The following KHDRBS3 variants were observed in gnomAD, a reference collection of about 807,000 sequenced individuals.
KHDRBS3 encodes KH RNA binding domain containing, signal transduction associated 3.
A neutral mutation model predicts 45.6 loss-of-function variants in KHDRBS3; 23 were observed. The observed-to-expected ratio is 0.50, with a 90% CI of 0.36 to 0.72. KHDRBS3 has a LOEUF of 0.72. KHDRBS3 is among the 30% of genes least tolerant of loss of function. The pLI, the probability that KHDRBS3 is intolerant of heterozygous loss-of-function variation, is 0.00. For synonymous variants in KHDRBS3, 162 were observed against 156.5 expected, an observed-to-expected ratio of 1.04 and a Z score of -0.26; for missense variants, 352 against 424.8, an observed-to-expected ratio of 0.83 and a Z score of 1.51.
intron 4 of KHDRBS3, among the ~76,000 whole-genome samples, chr8:135,556,157 C>T (rs1826876000): frequency 6.6e-6 from 1 of 152,100 alleles, no homozygotes; most frequent in Non-Finnish European, 1.5e-5. Context: ...TGGGTTGGTT[C>T]CAAGTCTTTG....
At chr8:135,625,813 C>T (rs1830331663) in intron 7 of KHDRBS3, 14 of 769,028 alleles carry the variant, frequency 1.8e-5, no homozygotes, top group South Asian at 1.6e-4. Context: ...TTCTTCAAGG[C>T]GGTGGAGCCA....
intron 7 of KHDRBS3, among the ~76,000 whole-genome samples, chr8:135,610,410 T>C (rs1829660828): frequency 6.6e-6 from 1 of 151,892 alleles, no homozygotes; most frequent in South Asian, 2.1e-4. Flanking sequence ...TGATTATATA[T>C]TTATATGACA....
intron 2 of KHDRBS3, among the ~76,000 whole-genome samples, chr8:135,533,091 A>G (rs1026693522): frequency 4.6e-5 from 7 of 152,000 alleles, no homozygotes; most frequent in African/African-American, 1.4e-4. Flanking sequence ...GCAAAACACC[A>G]TTTATTAATT....
chr8:135,550,825 CTTAACAATTTTGAG>C (rs1826552101), intron 4 of KHDRBS3, among the ~76,000 whole-genome samples: 1 of 152,010 alleles, frequency 6.6e-6, no homozygotes, highest in Non-Finnish European at 1.5e-5. Flanking sequence ...TAATTTTCAT[CTTAACAATTTTGAG>C]TTTTCCAATC....
downstream of KHDRBS3, among the ~76,000 whole-genome samples, chr8:135,650,314 C>T (rs990987211): frequency 1.3e-5 from 2 of 152,210 alleles, no homozygotes; most frequent in Non-Finnish European, 2.9e-5. Flanking sequence ...CCCATGCCCT[C>T]TCTTCCATGA....
At chr8:135,545,699 C>T (rs1215330778) in intron 3 of KHDRBS3, among the ~76,000 whole-genome samples, 1 of 152,188 alleles carries the variant, frequency 6.6e-6, no homozygotes, top group Admixed American at 6.5e-5. Flanking sequence ...CCAGTTTTGT[C>T]TATCTCTTGT....
chr8:135,568,944 C>G (rs1586735442), intron 5 of KHDRBS3, among the ~76,000 whole-genome samples: 1 of 152,074 alleles, frequency 6.6e-6, no homozygotes, highest in East Asian at 1.9e-4. Flanking sequence ...ATTGAAGAAC[C>G]ATGTTAAAAT....
intron 7 of KHDRBS3, among the ~76,000 whole-genome samples, chr8:135,643,887 GT>G (rs1831174228): frequency 6.6e-6 from 1 of 152,212 alleles, no homozygotes; most frequent in Non-Finnish European, 1.5e-5. Flanking sequence ...CTGGTGTTCA[GT>G]AGACATTCAC....
Position 135,582,005 on chromosome 8 carries a change from A to C in KHDRBS3, c.739A>C (p.Arg247=), listed in dbSNP as rs575288088. The C allele has an allele frequency of 6.2e-7, 1 of 1,613,000 alleles. No individual in the cohort carries two copies. The highest frequency in any genetic ancestry group is 1.7e-5 in the Admixed American group (1 of 59,908). ...RGRGLLTPRA[R]GVPPTGYRPP... is the part of the protein sequence containing the mutation. Reference sequence around the variant, plus strand: ...AAGAGGACTTCTCACTCCCAGAGCAAGAGGAGTCCCCCCAACTGGGTACAG... The same window carrying C: ...AAGAGGACTTCTCACTCCCAGAGCACGAGGAGTCCCCCCAACTGGGTACAG... The change falls in exon 6 of 9, where the codon AGA becomes CGA. Residue 247 remains arginine (R), a synonymous_variant. Coordinates refer to ENST00000355849, the MANE Select transcript of KHDRBS3 (RefSeq NM_006558.3).
intron 4 of KHDRBS3, among the ~76,000 whole-genome samples, chr8:135,551,838 G>A (rs1437053179): frequency 6.6e-6 from 1 of 152,014 alleles, no homozygotes; most frequent in Non-Finnish European, 1.5e-5. Flanking sequence ...AGACTTTCCT[G>A]TAACCTAGGT....
At chr8:135,476,834 G>T (rs1181663507) in intron 1 of KHDRBS3, among the ~76,000 whole-genome samples, 8 of 152,166 alleles carry the variant, frequency 5.3e-5, no homozygotes, top group Non-Finnish European at 7.3e-5. Flanking sequence ...AAAGGTAAAT[G>T]ACATTGAAAG....
At chr8:135,633,354 C>T (rs755388680) in intron 7 of KHDRBS3, among the ~76,000 whole-genome samples, 5 of 152,170 alleles carry the variant, frequency 3.3e-5, no homozygotes, top group Non-Finnish European at 5.9e-5. Flanking sequence ...CCCTCACCTC[C>T]CACTGGGTGA....
At chr8:135,550,839 G>C (rs1273043593) in intron 4 of KHDRBS3, among the ~76,000 whole-genome samples, 1 of 151,992 alleles carries the variant, frequency 6.6e-6, no homozygotes, top group Non-Finnish European at 1.5e-5. Flanking sequence ...ACAATTTTGA[G>C]TTTTCCAATC....
chr8:135,474,439 A>G (rs1011236724), intron 1 of KHDRBS3, among the ~76,000 whole-genome samples: 1 of 152,208 alleles, frequency 6.6e-6, no homozygotes, highest in African/African-American at 2.4e-5. Context: ...TTCAGACTTC[A>G]TTTGAGTTGG....
At chr8:135,564,162 A>G (rs1563771547) in intron 5 of KHDRBS3, among the ~76,000 whole-genome samples, 2 of 152,216 alleles carry the variant, frequency 1.3e-5, no homozygotes, top group South Asian at 2.1e-4. Flanking sequence ...ATAATCCTTT[A>G]TAGTTTCTTT....
rs973300854 is a variant in KHDRBS3, at chr8:135,533,627, A to G, written c.208-9027A>G. 1.2e-4 allele frequency among the ~76,000 whole-genome samples: 19 copies of G among 152,306 alleles called. No homozygotes were observed. In the East Asian group the frequency reaches 2.9e-3, roughly 23 times the overall value. On this transcript the variant is annotated intron_variant, in intron 2 of 8. Coordinates refer to ENST00000355849, the MANE Select transcript of KHDRBS3 (RefSeq NM_006558.3). ...GGTAGTATTTACATTTGCTGTCACC[A>G]TGGAATGTACTGATGGACCTGCTTT...
intron 2 of KHDRBS3, among the ~76,000 whole-genome samples, chr8:135,525,467 C>G (rs891991175): frequency 6.6e-6 from 1 of 152,136 alleles, no homozygotes; most frequent in Admixed American, 6.5e-5. Flanking sequence ...CAGGGTATTT[C>G]CTTTGCTGAA....
intron 6 of KHDRBS3, among the ~76,000 whole-genome samples, chr8:135,597,311 G>A (rs574401379): frequency 6.6e-6 from 1 of 152,170 alleles, no homozygotes; most frequent in East Asian, 1.9e-4. Flanking sequence ...TTCGCAAGAG[G>A]CCCAACTTCT....
intron 6 of KHDRBS3, among the ~76,000 whole-genome samples, chr8:135,594,468 TA>T (rs1563793377): frequency 2.0e-5 from 3 of 152,230 alleles, no homozygotes; most frequent in Non-Finnish European, 2.9e-5. Context: ...CCTCAGTTCC[TA>T]ATTCAAAGCT....
Sources: allele counts gnomAD v4.1 joint callset (sites outside exome capture counted in the v4.1 genomes callset), GRCh38; gene constraint gnomAD v4.1.1; transcripts MANE v1.5; gene names NCBI Gene and HGNC (gene_info 2026-07-23, HGNC 2026-07-21).